Variants in DIAPH2 observed in about 807,000 individuals in gnomAD.
DIAPH2 encodes protein diaphanous homolog 2.
DIAPH2 carries 35 observed loss-of-function variants against 92.7 expected under a neutral mutation model. The ratio of observed to expected loss-of-function variants is 0.38; its 90% confidence interval spans 0.29 to 0.50. DIAPH2 has a LOEUF of 0.50. Ranked by LOEUF, DIAPH2 falls within the 20% of genes least tolerant of loss-of-function variation. The pLI is 0.94. For synonymous variants in DIAPH2, 301 were observed against 280.4 expected, an observed-to-expected ratio of 1.07 and a Z score of -0.73; for missense variants, 701 against 819.5, an observed-to-expected ratio of 0.86 and a Z score of 1.77.
At chrX:96,830,619 T>C (rs1249918300) in intron 4 of DIAPH2, among the ~76,000 whole-genome samples, 1 of 84,417 alleles carries the variant, frequency 1.2e-5, no homozygotes, top group Non-Finnish European at 2.4e-5. Flanking sequence ...AAACCCCTAT[T>C]AAAAAAGTGG....
chrX:97,081,162 G>A (rs1379347399), intron 19 of DIAPH2, among the ~76,000 whole-genome samples: 1 of 111,722 alleles, frequency 9.0e-6, no homozygotes, highest in Admixed American at 9.4e-5. Context: ...TTCTCATCAT[G>A]GTGGAATAAT....
chrX:96,754,923 C>CAAAAAA (rs1007573600), intron 3 of DIAPH2, among the ~76,000 whole-genome samples: 36 of 15,990 alleles, frequency 2.3e-3, no homozygotes, highest in Non-Finnish European at 2.7e-3. Context: ...GTCTCCACCT[C>CAAAAAA]AAAAAAAAAA....
At chrX:96,797,278 C>T (rs1346724321) in intron 4 of DIAPH2, among the ~76,000 whole-genome samples, 1 of 110,199 alleles carries the variant, frequency 9.1e-6, no homozygotes, top group Admixed American at 9.7e-5. Context: ...GTCAGGAATT[C>T]GAGAGTAGCC....
rs2064476957 is a variant in DIAPH2, at chrX:96,788,624, A to G, written c.447+30366A>G. On this transcript the variant is annotated intron_variant, in intron 4 of 26. Transcript: ENST00000324765. Reference sequence around the variant, plus strand: ...TAAGTCAGAGAAAATCGAAATGTCCATGTGGAATAGTTAACATCTTTTTGT... The same window carrying G: ...TAAGTCAGAGAAAATCGAAATGTCCGTGTGGAATAGTTAACATCTTTTTGT... Among the ~76,000 whole-genome samples the G allele has an allele frequency of 2.7e-5, 3 of 112,231 alleles. No homozygotes were observed. The South Asian group carries it at 1.1e-3, about 41-fold the overall frequency.
intron 21 of DIAPH2, among the ~76,000 whole-genome samples, chrX:97,116,787 C>T (rs2067020039): frequency 8.9e-6 from 1 of 111,899 alleles, no homozygotes; most frequent in Admixed American, 9.5e-5. Flanking sequence ...AAATTAATTA[C>T]ATGAACTGAT....
At chrX:97,588,475 T>G (rs1224236659) in intron 26 of DIAPH2, among the ~76,000 whole-genome samples, 1 of 111,140 alleles carries the variant, frequency 9.0e-6, no homozygotes, top group Non-Finnish European at 1.9e-5. Flanking sequence ...CTTTTTTTTT[T>G]TTTGAAGTCT....
intron 21 of DIAPH2, among the ~76,000 whole-genome samples, chrX:97,135,735 T>C (rs1180920094): frequency 9.0e-6 from 1 of 111,475 alleles, no homozygotes; most frequent in Non-Finnish European, 1.9e-5. Context: ...CTATCTTATC[T>C]ATAAAAGTGG....
intron 17 of DIAPH2, among the ~76,000 whole-genome samples, chrX:97,061,500 T>C (rs1465240987): frequency 9.0e-6 from 1 of 111,723 alleles, no homozygotes; most frequent in Non-Finnish European, 1.9e-5. Context: ...TGTGTGTGTA[T>C]AGCAAGCAAG....
At chrX:97,348,054 C>T (rs1320171492) in intron 23 of DIAPH2, 62 bp from the exon 24 acceptor site, 2 of 1,034,464 alleles carry the variant, frequency 1.9e-6, no homozygotes, top group African/African-American at 3.8e-5. Flanking sequence ...TTAATCTTAA[C>T]ATCTAGTGAT....
rs1048682063 is a variant in DIAPH2, at chrX:96,826,182, C to T, written c.448-55397C>T. ...CTGTAATCCCAGCAGTTTGGGAGGC[C>T]GAGGTGGGTGGATCACTCGAGGACA... is the stretch of plus-strand genomic sequence containing the variant. On this transcript the variant is annotated intron_variant, in intron 4 of 26. Coordinates refer to ENST00000324765, the MANE Select transcript of DIAPH2 (RefSeq NM_006729.5). Among the ~76,000 whole-genome samples the T allele has an allele frequency of 1.5e-4, 17 of 110,564 alleles. No individual in the cohort carries two copies. In the South Asian group the frequency reaches 2.8e-3, roughly 18 times the overall value.
chrX:97,185,204 G>A (rs199670342), intron 22 of DIAPH2, among the ~76,000 whole-genome samples: 3 of 92,456 alleles, frequency 3.2e-5, no homozygotes, highest in South Asian at 5.7e-4. Flanking sequence ...TGAGGCTGAG[G>A]CACGAGAATC....
intron 23 of DIAPH2, among the ~76,000 whole-genome samples, chrX:97,284,162 T>G (rs768026103): frequency 9.0e-6 from 1 of 111,395 alleles, no homozygotes; most frequent in Admixed American, 9.6e-5. Flanking sequence ...ATGAAAATAT[T>G]TTTTTAGTAT....
chrX:97,226,437 G>A (rs950563725), intron 22 of DIAPH2, among the ~76,000 whole-genome samples: 5 of 110,889 alleles, frequency 4.5e-5, no homozygotes, highest in African/African-American at 1.3e-4. Context: ...GCAATGGCGC[G>A]ATCTCGGCTC....
At chrX:97,117,118 C>A (rs2067022101) in intron 21 of DIAPH2, among the ~76,000 whole-genome samples, 1 of 109,884 alleles carries the variant, frequency 9.1e-6, no homozygotes. Context: ...ACTCACCCCC[C>A]ACTTTTCAGT....
At position 97,517,956 on chromosome X, in the gene DIAPH2, G is replaced by C. The variant is rs773141847; in HGVS notation, c.3242-81297G>C. ...CAGGATGAGCAAGATGTTAGTCATAGAAGTAGAACTCTGTGGAGATATAAC... is the reference window on the plus strand; with the variant it reads ...CAGGATGAGCAAGATGTTAGTCATACAAGTAGAACTCTGTGGAGATATAAC... On this transcript the variant is annotated intron_variant, in intron 26 of 26. Transcript: ENST00000324765. 1.9e-4 allele frequency among the ~76,000 whole-genome samples: 21 copies of C among 112,445 alleles called. No individual in the cohort carries two copies. The South Asian group carries it at 5.6e-3, about 30-fold the overall frequency.
rs1386125874 is a variant in DIAPH2 at position 96,838,870 on chromosome X, A to G, written c.448-42709A>G. Among the ~76,000 whole-genome samples the G allele has an allele frequency of 7.1e-5, 8 of 112,089 alleles. No homozygotes were observed. In the South Asian group the frequency reaches 3.0e-3, roughly 42 times the overall value. On this transcript the variant is annotated intron_variant, in intron 4 of 26. Coordinates refer to ENST00000324765, the MANE Select transcript of DIAPH2 (RefSeq NM_006729.5). ...TGTTTCTAGTATAGGAGCTAGGTCT[A>G]TGCAGAATTATAATGAATTTCCCTA...
chrX:96,881,739 C>T lies in DIAPH2; in HGVS notation c.587+21C>T, dbSNP rs745885208. ...GTCAGGTAAGTCGTTCTTATCATTT[C>T]GGTATGATTCATACAATTTGTAGTG... On this transcript the variant is annotated intron_variant, in intron 5 of 26. Transcript: ENST00000324765. 13 of 1,193,936 alleles carry T rather than the reference C, an allele frequency of 1.1e-5. No individual in the cohort carries two copies. In the African/African-American group the frequency reaches 1.4e-4, roughly 13 times the overall value.
At chrX:97,099,936 GA>G (rs946491569) in intron 20 of DIAPH2, 141 bp downstream of exon 20, 19 of 311,665 alleles carry the variant, frequency 6.1e-5, no homozygotes, top group Non-Finnish European at 9.1e-5. Context: ...TTGGCTGTCA[GA>G]AAAAAATACT....
intron 21 of DIAPH2, among the ~76,000 whole-genome samples, chrX:97,127,462 C>G (rs1476685927): frequency 1.8e-5 from 2 of 112,039 alleles, no homozygotes; most frequent in East Asian, 5.6e-4. Flanking sequence ...ATGCTTGATT[C>G]CAAGGATATT....
Sources: gnomAD v4.1 joint callset for allele counts (sites outside exome capture counted in the v4.1 genomes callset) on GRCh38, gnomAD v4.1.1 for gene constraint, MANE v1.5 for transcripts, NCBI Gene and HGNC (gene_info 2026-07-23, HGNC 2026-07-21) for gene names.